SLC8A1: variants seen among roughly 807,000 people sequenced by gnomAD.
SLC8A1 encodes the protein sodium/calcium exchanger 1.
Under a neutral mutation model 68.3 loss-of-function variants are expected in SLC8A1, and 18 were observed. That is an observed-to-expected ratio of 0.26 (90% CI 0.18 to 0.39). The LOEUF (loss-of-function observed/expected upper bound fraction) is 0.39, where lower values mean the gene tolerates loss of function less well. SLC8A1 is among the 10% of genes least tolerant of loss of function. The pLI is 1.00. For missense variants in SLC8A1, 985 were observed against 1,156.7 expected (o/e 0.85, Z 2.15); for synonymous variants, 475 against 415.5 (o/e 1.14, Z -1.74).
chr2:40,157,101 T>A (rs1212878680), intron 6 of SLC8A1, among the ~76,000 whole-genome samples: 1 of 152,202 alleles, frequency 6.6e-6, no homozygotes. Context: ...GTGTTTTTAG[T>A]CCCATAGCTA....
At chr2:40,124,817 C>G (rs2037712811) in intron 7 of SLC8A1, among the ~76,000 whole-genome samples, 1 of 152,160 alleles carries the variant, frequency 6.6e-6, no homozygotes, top group African/African-American at 2.4e-5. Context: ...TGTTAAAGTA[C>G]ACTAAGAAAA....
chr2:40,152,193 T>G (rs1007661275), intron 6 of SLC8A1, among the ~76,000 whole-genome samples: 2 of 152,216 alleles, frequency 1.3e-5, no homozygotes, highest in East Asian at 3.8e-4. Flanking sequence ...GGGCATGACA[T>G]GCACAGAAAG....
intron 1 of SLC8A1, among the ~76,000 whole-genome samples, chr2:40,471,039 C>CT (rs1381447239): frequency 1.3e-5 from 2 of 152,216 alleles, no homozygotes; most frequent in Non-Finnish European, 2.9e-5. Flanking sequence ...AGACTTGCTG[C>CT]TTTTTATCAT....
At chr2:40,246,381 T>C (rs1195999308) in intron 2 of SLC8A1, among the ~76,000 whole-genome samples, 1 of 152,236 alleles carries the variant, frequency 6.6e-6, no homozygotes, top group Non-Finnish European at 1.5e-5. Context: ...CAGAGTCAAA[T>C]AGGGCAACTA....
At chr2:40,103,365 G>A (rs1283181858) in exon 8 of SLC8A1, 1 of 152,132 alleles carries the variant, frequency 6.6e-6, no homozygotes, top group Admixed American at 6.5e-5. Context: ...CTAAGGGTGA[G>A]ATTTAAGTCT....
rs190479411 is a variant in SLC8A1, at chr2:40,408,072, T to C, written c.1808+20401A>G. Among the ~76,000 whole-genome samples, 4 of 152,326 alleles carry C rather than the reference T, an allele frequency of 2.6e-5. No homozygotes were observed. The East Asian group carries it at 7.7e-4, about 29-fold the overall frequency. On this transcript the variant is annotated intron_variant, in intron 2 of 7. Coordinates refer to ENST00000406785, the Ensembl canonical transcript of SLC8A1. Reference sequence around the variant, plus strand: ...ATAACAAGTTAATAATCTTCCAGCATGCCAGAATGTCAGTTTAGCCACAGA... The same window carrying C: ...ATAACAAGTTAATAATCTTCCAGCACGCCAGAATGTCAGTTTAGCCACAGA...
rs2036571461 is a variant in SLC8A1 at position 40,120,645 on chromosome 2, T to G, written c.2438-5016A>C. The G allele has an allele frequency of 2.0e-5, 3 of 152,232 alleles. No individual in the cohort carries two copies. The South Asian group carries it at 6.2e-4, about 32-fold the overall frequency. The allele number at this position is 152,232 out of a possible 1,614,324, so 9.4% of individuals were successfully genotyped here. On this transcript the variant is annotated intron_variant, in intron 7 of 7. Coordinates refer to ENST00000406785, the Ensembl canonical transcript of SLC8A1. ...ACCACTCTTCACAATAATTAACTGA[T>G]GATTATAACTATTTTATCATTGTGA...
intron 2 of SLC8A1, among the ~76,000 whole-genome samples, chr2:40,377,385 GC>G (rs1680235921): frequency 6.6e-6 from 1 of 152,096 alleles, no homozygotes; most frequent in South Asian, 2.1e-4. Context: ...TGAGCAGGGA[GC>G]CCAGTTAAAC....
At chr2:40,147,810 A>G (rs1397797235) in intron 6 of SLC8A1, among the ~76,000 whole-genome samples, 3 of 152,230 alleles carry the variant, frequency 2.0e-5, no homozygotes, top group Admixed American at 1.3e-4. Context: ...AGATGCTGCT[A>G]TGATTCATCT....
intron 2 of SLC8A1, among the ~76,000 whole-genome samples, chr2:40,384,099 G>GT (rs941183280): frequency 2.3e-4 from 34 of 146,282 alleles, no homozygotes; most frequent in South Asian, 8.5e-4. Context: ...CATCTCTACA[G>GT]TTTTTTTTTT....
intron 2 of SLC8A1, among the ~76,000 whole-genome samples, chr2:40,334,223 T>C (rs1232333800): frequency 5.3e-5 from 8 of 152,318 alleles, no homozygotes; most frequent in African/African-American, 1.9e-4. Flanking sequence ...GAGAAGTTAG[T>C]GATTTTCTCT....
intron 7 of SLC8A1, chr2:40,118,177 C>T (rs1334344928): frequency 1.3e-5 from 2 of 152,192 alleles, no homozygotes; most frequent in African/African-American, 2.4e-5. Flanking sequence ...GAAACTGTGA[C>T]GTTGTGATAT....
chr2:40,197,955 C>G (rs754370643), intron 2 of SLC8A1, among the ~76,000 whole-genome samples: 8 of 151,728 alleles, frequency 5.3e-5, no homozygotes, highest in Non-Finnish European at 1.2e-4. Context: ...GTGCCTCCAC[C>G]CCACATCTTT....
At chr2:40,290,546 T>C (rs2069123793) in intron 2 of SLC8A1, among the ~76,000 whole-genome samples, 1 of 152,150 alleles carries the variant, frequency 6.6e-6, no homozygotes, top group African/African-American at 2.4e-5. Context: ...GCTGTCACAT[T>C]TGCCTGGTTA....
At chr2:40,136,062 A>G (rs2040442062) in intron 7 of SLC8A1, among the ~76,000 whole-genome samples, 1 of 152,214 alleles carries the variant, frequency 6.6e-6, no homozygotes, top group Non-Finnish European at 1.5e-5. Flanking sequence ...ACTGATGTCC[A>G]GGAAGTAAGC....
intron 1 of SLC8A1, among the ~76,000 whole-genome samples, chr2:40,488,452 T>TTGTGTG (rs58801295): frequency 2.0e-5 from 3 of 149,242 alleles, no homozygotes; most frequent in South Asian, 2.1e-4. Context: ...ACTTTCTAGT[T>TTGTGTG]TGTGTGTGTG....
chr2:40,462,499 G>T (rs1703408672), intron 1 of SLC8A1, among the ~76,000 whole-genome samples: 1 of 150,268 alleles, frequency 6.7e-6, no homozygotes, highest in Non-Finnish European at 1.5e-5. Context: ...TTGAGAGGCA[G>T]TATCTCATAT....
chr2:40,420,065 T>C (rs1444539717), intron 2 of SLC8A1, among the ~76,000 whole-genome samples: 9 of 152,168 alleles, frequency 5.9e-5, no homozygotes, highest in Non-Finnish European at 1.2e-4. Flanking sequence ...AATTTTTTGT[T>C]TGTTCTTGTC....
rs189451530 is a variant in SLC8A1, at chr2:40,258,765, C to T, written c.1809-80910G>A. On this transcript the variant is annotated intron_variant, in intron 2 of 7. Transcript: ENST00000406785. ...GATGACGCAGGAGAATCACTTGAAC[C>T]CTGGAGGCAGAGGTTGCAGTGAGGC... Among the ~76,000 whole-genome samples, 96 of 152,068 alleles carry T rather than the reference C, an allele frequency of 6.3e-4. 2 individuals are homozygous for T. The highest frequency in any genetic ancestry group is 2.2e-3 in the African/African-American group (90 of 41,490).
Sources: gnomAD v4.1 joint callset for allele counts (sites outside exome capture counted in the v4.1 genomes callset) on GRCh38, gnomAD v4.1.1 for gene constraint, MANE v1.5 for transcripts, NCBI Gene and HGNC (gene_info 2026-07-23, HGNC 2026-07-21) for gene names.